Variants in MIDN observed in about 807,000 individuals in gnomAD.
MIDN encodes the protein midnolin.
A neutral mutation model predicts 46.1 loss-of-function variants in MIDN; 26 were observed. The observed-to-expected ratio is 0.56, with a 90% CI of 0.41 to 0.78. The LOEUF (loss-of-function observed/expected upper bound fraction) is 0.78. Ranked by LOEUF, MIDN falls within the 30% of genes least tolerant of loss-of-function variation. MIDN has a pLI of 0.00. For missense variants in MIDN, 850 were observed against 771.8 expected (o/e 1.10, Z -1.20); for synonymous variants, 432 against 343.3 (o/e 1.26, Z -2.86).
At position 1,250,391 on chromosome 19, in the gene MIDN, G is replaced by C. The variant is rs770526250; in HGVS notation, c.95G>C (p.Ser32Thr). 3 of 1,271,438 alleles carry C rather than the reference G, an allele frequency of 2.4e-6. No homozygotes were observed. The highest frequency in any genetic ancestry group is 2.0e-6 in the Non-Finnish European group (2 of 990,290). The allele number at this position is 1,271,438 out of a possible 1,614,324, so 78.8% of individuals were successfully genotyped here. A position where few individuals can be genotyped will look rare whatever the true frequency, so the allele number is the denominator to read the frequency against. ...LGPAAEAAPM[S>T]LAIHSTTGTR... ...CCGGCGGCCGAGGCGGCGCCCATGA[G>C]CCTCGCCATCCACAGCACCACGGGC... Residue 32 changes from serine to threonine, a missense_variant, in exon 2 of 9, where the codon AGC (serine) becomes ACC (threonine). Ser to Thr is a moderately conservative substitution (Grantham distance 58). Coordinates refer to ENST00000682408, the MANE Select transcript of MIDN (RefSeq NM_001388306.1).
rs1042739422 is a variant in MIDN, at chr19:1,255,284, C to T, written c.986-138C>T. ...GCATACTGGGGACGTGTCCCGCTCC[C>T]GCCCCGTGGTCCCTCGTGCACATCA... is the stretch of plus-strand genomic sequence containing the variant. On this transcript the variant is annotated intron_variant, in intron 7 of 8. Coordinates refer to ENST00000682408, the MANE Select transcript of MIDN (RefSeq NM_001388306.1). 111 of 1,249,404 alleles carry T rather than the reference C, an allele frequency of 8.9e-5. 1 individual carries two copies. Among genetic ancestry groups the T allele is most frequent in the East Asian group, 2.3e-4 (9 of 39,210 alleles). The allele number at this position is 1,249,404 out of a possible 1,614,324, so 77.4% of individuals were successfully genotyped here. A position where few individuals can be genotyped will look rare whatever the true frequency, so the allele number is the denominator to read the frequency against.
rs1223047634 is a variant in MIDN at position 1,254,933 on chromosome 19, G to C, written c.857G>C (p.Ser286Thr). Reference protein sequence around the residue: ...QMDCSPTASSSASPGASTTST... With the variant: ...QMDCSPTASSTASPGASTTST... ...GACTGCTCCCCCACGGCCAGCAGCA[G>C]TGCCAGTCCTGGTGCCAGCACCACG... is the stretch of plus-strand genomic sequence containing the variant. Residue 286 changes from serine (S) to threonine (T), a missense_variant, in exon 7 of 9, where the codon AGT (serine) becomes ACT (threonine). Ser to Thr is a moderately conservative substitution (Grantham distance 58, BLOSUM62 1). Coordinates refer to ENST00000682408, the MANE Select transcript of MIDN (RefSeq NM_001388306.1). 1 of 1,610,908 alleles carries C rather than the reference G, an allele frequency of 6.2e-7. No homozygotes were observed. The highest frequency in any genetic ancestry group is 8.5e-7 in the Non-Finnish European group (1 of 1,178,978).
intron 4 of MIDN, among the ~76,000 whole-genome samples, chr19:1,252,664 C>T (rs894429437): frequency 6.6e-6 from 1 of 152,192 alleles, no homozygotes; most frequent in East Asian, 1.9e-4. Flanking sequence ...CGCCCGCTGC[C>T]AGGGTGGGGG....
chr19:1,249,861 C>G (rs1342696471), intron 1 of MIDN, 29 bp from the exon 2 acceptor site: 2 of 151,772 alleles, frequency 1.3e-5, no homozygotes, highest in Non-Finnish European at 2.9e-5. Context: ...TACATTATAA[C>G]TTTTTTTTCT....
rs532450843 is a variant in MIDN at position 1,253,750 on chromosome 19, G to A, written c.385-204G>A. On this transcript the variant is annotated intron_variant, in intron 4 of 8. Coordinates refer to ENST00000682408, the MANE Select transcript of MIDN (RefSeq NM_001388306.1). The stretch of plus-strand genomic sequence containing the variant: ...GCCCTGGTGACTTAGCTGGGAGGGG[G>A]CCTGAGGTGGAGCCCCTCCCGTATC... The A allele has an allele frequency of 9.4e-5, 25 of 265,232 alleles. 2 individuals are homozygous for A. In the South Asian group the frequency reaches 1.1e-3, roughly 11 times the overall value. The allele number at this position is 265,232 out of a possible 1,614,324, so 16.4% of individuals were successfully genotyped here. A position where few individuals can be genotyped will look rare whatever the true frequency, so the allele number is the denominator to read the frequency against.
Position 1,253,985 on chromosome 19 carries a change from G to A in MIDN, c.416G>A (p.Gly139Asp). The A allele has an allele frequency of 1.4e-6, 2 of 1,396,832 alleles. No homozygotes were observed. The highest frequency in any genetic ancestry group is 1.8e-6 in the Non-Finnish European group (2 of 1,083,438). The allele number at this position is 1,396,832 out of a possible 1,614,324, so 86.5% of individuals were successfully genotyped here. The change falls in exon 5 of 9, where the codon GGC (glycine) becomes GAC (aspartate). Residue 139 changes from glycine (G) to aspartate (D), a missense_variant. Gly to Asp is a moderately conservative substitution (Grantham distance 94). Coordinates refer to ENST00000682408, the MANE Select transcript of MIDN (RefSeq NM_001388306.1). ...GCGGCGCCCGGGCCGGGCCGGGCTG[G>A]CGGAGGAGGCTTCCGGAAATACAGA... ...PPAAPGPGRA[G>D]GGGFRKYRFI...
chr19:1,250,292 CG>C lies in MIDN; in HGVS notation c.-1del. 1 of 978,318 alleles carries C rather than the reference CG, an allele frequency of 1.0e-6. No homozygotes were observed. Among genetic ancestry groups the C allele is most frequent in the Non-Finnish European group, 1.2e-6 (1 of 824,484 alleles). The allele number at this position is 978,318 out of a possible 1,614,324, so 60.6% of individuals were successfully genotyped here. ...CCGCCCCCAGCCCCCCAGCGCGCGC[CG>C]GGGATGGAGCCGCAGCCCGGCGGCG... is the stretch of plus-strand genomic sequence containing the variant. On this transcript the variant is annotated 5_prime_UTR_variant, in exon 2 of 9. Transcript: ENST00000682408.
At chr19:1,251,743 C>T in intron 3 of MIDN, 94 bp downstream of exon 3, 1 of 1,518,604 alleles carries the variant, frequency 6.6e-7, no homozygotes, top group Non-Finnish European at 9.0e-7. Context: ...CTACCTGGGG[C>T]CCCCACCCCG....
chr19:1,251,547 C>T lies in MIDN; in HGVS notation c.234-15C>T, dbSNP rs1303041282. On this transcript the variant is annotated splice_polypyrimidine_tract_variant and intron_variant, in intron 2 of 8. Transcript: ENST00000682408. ...CGTCTCCGCGGAGTCTCATGCTCTT[C>T]CTTCCTCCCCCCAGCCGGCTCAGTT... The T allele has an allele frequency of 2.0e-5, 32 of 1,606,582 alleles. 1 individual carries two copies. The East Asian group carries it at 6.0e-4, about 30-fold the overall frequency.
At position 1,257,158 on chromosome 19, in the gene MIDN, C is replaced by T. The variant is rs1468481490; in HGVS notation, c.1422C>T (p.Ser474=). Residue 474 remains serine, a synonymous_variant, in exon 9 of 9, where the codon AGC becomes AGT. Transcript: ENST00000682408. ...SRKAGRSDSS[S]SGGGGSPSEA... ...AGGCCGGCCGCAGCGACAGCAGTAG[C>T]AGCGGGGGCGGCGGCAGCCCCAGCG... The T allele has an allele frequency of 1.9e-6, 3 of 1,611,586 alleles. No homozygotes were observed. Among genetic ancestry groups the T allele is most frequent in the Admixed American group, 1.7e-5 (1 of 59,966 alleles).
chr19:1,256,984 C>G lies in MIDN; in HGVS notation c.1259-11C>G. On this transcript the variant is annotated splice_polypyrimidine_tract_variant and intron_variant, in intron 8 of 8. Transcript: ENST00000682408. ...GGCTTTGGGAGTCACAGGCCACTACCTCCTTTGCAGGGGACCGGCTTCGGC... is the reference window on the plus strand; with the variant it reads ...GGCTTTGGGAGTCACAGGCCACTACGTCCTTTGCAGGGGACCGGCTTCGGC... The G allele has an allele frequency of 6.2e-7, 1 of 1,607,036 alleles. No individual in the cohort carries two copies. Among genetic ancestry groups the G allele is most frequent in the East Asian group, 2.2e-5 (1 of 44,876 alleles).
At position 1,257,142 on chromosome 19, in the gene MIDN, G is replaced by C. The variant is rs773469970; in HGVS notation, c.1406G>C (p.Arg469Pro). The change falls in exon 9 of 9, where the codon CGC becomes CCC. Residue 469 changes from arginine to proline, a missense_variant. Physicochemically the swap from Arg to Pro is moderately radical, Grantham distance 103 (BLOSUM62 -2). Transcript: ENST00000682408. Reference sequence around the variant, plus strand: ...TGGTCACCCAGCCGCAAGGCCGGCCGCAGCGACAGCAGTAGCAGCGGGGGC... The same window carrying C: ...TGGTCACCCAGCCGCAAGGCCGGCCCCAGCGACAGCAGTAGCAGCGGGGGC... Reference protein sequence around the residue: ...YHWSPSRKAGRSDSSSSGGGG... With the variant: ...YHWSPSRKAGPSDSSSSGGGG... 5.6e-6 allele frequency: 9 copies of C among 1,611,400 alleles called. No individual in the cohort carries two copies. The Admixed American group carries it at 1.3e-4, about 24-fold the overall frequency.
intron 1 of MIDN, among the ~76,000 whole-genome samples, chr19:1,249,591 G>A (rs1223907592): frequency 6.7e-6 from 1 of 149,146 alleles, no homozygotes; most frequent in African/African-American, 2.4e-5. Context: ...GCTTATGAAT[G>A]GCTGCGGGCG....
chr19:1,255,330 G>T, intron 7 of MIDN, 92 bp from the exon 8 acceptor site: 2 of 1,438,296 alleles, frequency 1.4e-6, no homozygotes, highest in South Asian at 1.4e-5. Context: ...CCACGCCATT[G>T]CCTGAGCTCA....
At chr19:1,249,584 T>C (rs2081096675) in intron 1 of MIDN, among the ~76,000 whole-genome samples, 2 of 149,250 alleles carry the variant, frequency 1.3e-5, no homozygotes, top group African/African-American at 2.4e-5. Flanking sequence ...TCCGGGCGCT[T>C]ATGAATGGCT....
intron 2 of MIDN, among the ~76,000 whole-genome samples, chr19:1,251,104 G>A (rs1053139853): frequency 1.3e-5 from 2 of 152,048 alleles, no homozygotes; most frequent in Non-Finnish European, 2.9e-5. Flanking sequence ...GGCGGCGGCC[G>A]CCTGCGCCGG....
Position 1,253,909 on chromosome 19 carries a change from CCAGGGAGGGG to C in MIDN, c.385-40_385-31del, listed in dbSNP as rs538999934. On this transcript the variant is annotated intron_variant, in intron 4 of 8. Coordinates refer to ENST00000682408, the MANE Select transcript of MIDN (RefSeq NM_001388306.1). The stretch of plus-strand genomic sequence containing the variant: ...CCCCTTGCAAGACCGACCTAGTTGG[CCAGGGAGGGG>C]CAGGCCCCCGTCTGACCCGCCTCTG... 284 of 1,360,874 alleles carry C rather than the reference CCAGGGAGGGG, an allele frequency of 2.1e-4. 1 individual carries two copies. In the African/African-American group the frequency reaches 4.0e-3, roughly 19 times the overall value. 84.3% of individuals were successfully genotyped at this position (1,360,874 alleles called of 1,614,324 possible).
In MIDN at chr19:1,254,057, C is replaced by T; in HGVS notation, c.488C>T (p.Pro163Leu). Residue 163 changes from proline (P) to leucine (L), a missense_variant, in exon 5 of 9, where the codon CCA becomes CTA. Physicochemically the swap from Pro to Leu is moderately conservative, Grantham distance 98 (BLOSUM62 -3). Coordinates refer to ENST00000682408, the MANE Select transcript of MIDN (RefSeq NM_001388306.1). ...RPWHRQGPQS[P>L]ERGGERPQVS... is the part of the protein sequence containing the mutation. ...TGGCACCGACAGGGACCCCAGAGCC[C>T]AGAGAGGGGCGGCGAGAGGCCCCAG... The T allele has an allele frequency of 6.8e-7, 1 of 1,462,966 alleles. No individual in the cohort carries two copies. The highest frequency in any genetic ancestry group is 9.0e-7 in the Non-Finnish European group (1 of 1,114,576). The allele number at this position is 1,462,966 out of a possible 1,614,324, so 90.6% of individuals were successfully genotyped here.
At chr19:1,250,609 A>T (rs2081113773) in intron 2 of MIDN, 80 bp downstream of exon 2, 1 of 786,798 alleles carries the variant, frequency 1.3e-6, no homozygotes, top group Non-Finnish European at 1.6e-6. Context: ...CCGCGCGGGG[A>T]AGGCAGGGGG....
Sources: allele counts gnomAD v4.1 joint callset (sites outside exome capture counted in the v4.1 genomes callset), GRCh38; gene constraint gnomAD v4.1.1; transcripts MANE v1.5; gene names NCBI Gene and HGNC (gene_info 2026-07-23, HGNC 2026-07-21).